The following CA10 variants were observed in gnomAD, a reference collection of about 807,000 sequenced individuals.
CA10 encodes the protein carbonic anhydrase 10 (inactive), also known as carbonic anhydrase-related protein 10.
In CA10, 14 loss-of-function variants were observed where a neutral mutation model predicts 44.2. The observed-to-expected ratio is 0.32, with a 90% confidence interval of 0.21 to 0.50. The LOEUF (loss-of-function observed/expected upper bound fraction) is 0.50, where lower values mean the gene tolerates loss of function less well. CA10 is among the 20% of genes least tolerant of loss of function. The probability of loss-of-function intolerance (pLI) is 0.99; values close to 1 mark genes in which losing one functional copy is unlikely to be tolerated. For missense variants in CA10, 350 were observed against 409.7 expected (o/e 0.85, Z 1.26); for synonymous variants, 159 against 141.6 (o/e 1.12, Z -0.87).
chr17:51,799,944 AAC>A, intron 3 of CA10, among the ~76,000 whole-genome samples: 1 of 152,316 alleles, frequency 6.6e-6, no homozygotes, highest in Non-Finnish European at 1.5e-5. Flanking sequence ...CACTTTAGAA[AAC>A]AGTTTGGAAG....
At chr17:51,740,288 C>G (rs915619255) in intron 4 of CA10, among the ~76,000 whole-genome samples, 2 of 152,130 alleles carry the variant, frequency 1.3e-5, no homozygotes, top group African/African-American at 4.8e-5. Context: ...AGACAGGATC[C>G]TCTACTATAC....
At chr17:52,083,304 TG>T (rs1988030370) in intron 1 of CA10, among the ~76,000 whole-genome samples, 1 of 152,164 alleles carries the variant, frequency 6.6e-6, no homozygotes, top group African/African-American at 2.4e-5. Flanking sequence ...GCAGAATTGT[TG>T]GTTTGGGAGG....
rs553274546 is a variant in CA10 at position 52,105,504 on chromosome 17, C to G, written c.62-33111G>C. ...TCTCCTGACCTCGTGATCTGCCCGC[C>G]CTGGCCTCCCAAAGTGCGTGAGCCA... is the stretch of plus-strand genomic sequence containing the variant. On this transcript the variant is annotated intron_variant, in intron 1 of 8. Transcript: ENST00000451037. Among the ~76,000 whole-genome samples the G allele has an allele frequency of 8.9e-4, 135 of 152,276 alleles. 1 individual carries two copies. The highest frequency in any genetic ancestry group is 2.4e-3 in the Admixed American group (36 of 15,296).
intron 2 of CA10, among the ~76,000 whole-genome samples, chr17:52,005,634 T>C (rs1226173605): frequency 6.6e-6 from 1 of 151,992 alleles, no homozygotes; most frequent in Non-Finnish European, 1.5e-5. Context: ...TGACAATTCT[T>C]TACCAGACTT....
intron 2 of CA10, among the ~76,000 whole-genome samples, chr17:52,064,320 C>T (rs1411402311): frequency 6.6e-6 from 1 of 152,090 alleles, no homozygotes; most frequent in East Asian, 1.9e-4. Flanking sequence ...GACTTCTGAC[C>T]CAAGGAAACT....
intron 4 of CA10, among the ~76,000 whole-genome samples, chr17:51,702,545 G>A (rs1915636790): frequency 6.6e-6 from 1 of 152,208 alleles, no homozygotes; most frequent in Admixed American, 6.5e-5. Context: ...TGAAGGCAGA[G>A]GAGGTGCTGT....
intron 1 of CA10, among the ~76,000 whole-genome samples, chr17:52,108,813 A>G (rs1281865461): frequency 3.3e-5 from 5 of 151,940 alleles, no homozygotes; most frequent in African/African-American, 4.8e-5. Flanking sequence ...TGCAGTGTAT[A>G]CTGCTCAGTG....
In CA10 at chr17:52,104,689, C is replaced by T. The variant is rs183681205; in HGVS notation, c.62-32296G>A. On this transcript the variant is annotated intron_variant, in intron 1 of 8. Coordinates refer to ENST00000451037, the MANE Select transcript of CA10 (RefSeq NM_020178.5). ...AATGTTTCCCAGGTGCTGGACTCCA[C>T]GGCACAACAAGTGAAGCACTGAGGG... Among the ~76,000 whole-genome samples the T allele has an allele frequency of 5.6e-4, 86 of 152,244 alleles. 1 individual carries two copies. The highest frequency in any genetic ancestry group is 4.6e-3 in the South Asian group (22 of 4,824).
chr17:51,725,463 CA>C (rs1916483766), intron 4 of CA10, among the ~76,000 whole-genome samples: 1 of 152,174 alleles, frequency 6.6e-6, no homozygotes, highest in African/African-American at 2.4e-5. Flanking sequence ...CCCAGCATAT[CA>C]ACAAGGCAAG....
At chr17:51,670,846 T>A (rs935619727) in intron 4 of CA10, among the ~76,000 whole-genome samples, 3 of 152,162 alleles carry the variant, frequency 2.0e-5, no homozygotes, top group Non-Finnish European at 4.4e-5. Context: ...GCCTTAGAGA[T>A]GCTAAGTAAT....
At chr17:52,108,900 G>A (rs1472052929) in intron 1 of CA10, among the ~76,000 whole-genome samples, 3 of 151,876 alleles carry the variant, frequency 2.0e-5, no homozygotes, top group Admixed American at 6.6e-5. Flanking sequence ...ACCCCAACAA[G>A]TTATGGAGAA....
In CA10 at chr17:51,896,522, T is replaced by C. The variant is rs60515265; in HGVS notation, c.279+34468A>G. On this transcript the variant is annotated intron_variant, in intron 3 of 8. Transcript: ENST00000451037. ...TAGGTTGATTCCATGTCTTTGCTAT[T>C]GTGAACAGTGCTGTGATGAAGATAC... Among the ~76,000 whole-genome samples, 962 of 152,268 alleles carry C rather than the reference T, an allele frequency of 6.3e-3. 12 individuals carry two copies. Among genetic ancestry groups the C allele is most frequent in the African/African-American group, 0.022 (894 of 41,560 alleles).
chr17:52,125,423 G>C (rs1268049491), intron 1 of CA10, among the ~76,000 whole-genome samples: 1 of 152,190 alleles, frequency 6.6e-6, no homozygotes, highest in Admixed American at 6.5e-5. Context: ...GAGTATCTAA[G>C]AACCTATCAA....
chr17:51,928,515 C>T (rs1272048683), intron 3 of CA10, among the ~76,000 whole-genome samples: 2 of 152,104 alleles, frequency 1.3e-5, no homozygotes, highest in Non-Finnish European at 2.9e-5. Context: ...TCAGGGGCTT[C>T]CAGAGAGCTG....
chr17:51,890,681 T>G (rs1194447033), intron 3 of CA10, among the ~76,000 whole-genome samples: 1 of 152,174 alleles, frequency 6.6e-6, no homozygotes, highest in Non-Finnish European at 1.5e-5. Flanking sequence ...AAATTTGGAC[T>G]CAAACCATAG....
In CA10 at chr17:51,671,327, A is replaced by G. The variant is rs944474908; in HGVS notation, c.466-17591T>C. On this transcript the variant is annotated intron_variant, in intron 4 of 8. Transcript: ENST00000451037. ...CTTCTCTCACCTCCTCCTTTACAACATACACCTACTGCTGAAGGGGCTTTT... is the reference window on the plus strand; with the variant it reads ...CTTCTCTCACCTCCTCCTTTACAACGTACACCTACTGCTGAAGGGGCTTTT... Among the ~76,000 whole-genome samples, 14 of 151,980 alleles carry G rather than the reference A, an allele frequency of 9.2e-5. 1 individual carries two copies. Among genetic ancestry groups the G allele is most frequent in the African/African-American group, 3.4e-4 (14 of 41,392 alleles).
chr17:51,800,838 A>C (rs1906898264), intron 3 of CA10, among the ~76,000 whole-genome samples: 1 of 152,208 alleles, frequency 6.6e-6, no homozygotes, highest in African/African-American at 2.4e-5. Flanking sequence ...TTTTAGGCTC[A>C]GATATCTTTC....
At chr17:51,701,536 G>A (rs888194530) in intron 4 of CA10, among the ~76,000 whole-genome samples, 9 of 151,778 alleles carry the variant, frequency 5.9e-5, no homozygotes, top group East Asian at 5.8e-4. Context: ...TAAATTCTGC[G>A]AAGATTGGGG....
chr17:51,785,310 A>G (rs536201296), intron 3 of CA10, among the ~76,000 whole-genome samples: 42 of 152,334 alleles, frequency 2.8e-4, no homozygotes, highest in African/African-American at 9.4e-4. Flanking sequence ...AAAGAGTTCA[A>G]ATAACTCTAT....
Sources: allele counts gnomAD v4.1 joint callset (sites outside exome capture counted in the v4.1 genomes callset), GRCh38; gene constraint gnomAD v4.1.1; transcripts MANE v1.5; gene names NCBI Gene and HGNC (gene_info 2026-07-23, HGNC 2026-07-21).